The following NR1D2 variants were observed in gnomAD, a reference collection of about 807,000 sequenced individuals.
NR1D2 encodes nuclear receptor subfamily 1 group D member 2.
Under a neutral mutation model 52.2 loss-of-function variants are expected in NR1D2, and 25 were observed. The observed-to-expected ratio is 0.48, with a 90% CI of 0.35 to 0.67. NR1D2 has a LOEUF of 0.67. Ranked by LOEUF, NR1D2 falls within the 30% of genes least tolerant of loss-of-function variation. The pLI is 0.01. For missense variants in NR1D2, 681 were observed against 707.2 expected (o/e 0.96, Z 0.42); for synonymous variants, 259 against 230.1 (o/e 1.13, Z -1.14).
At chr3:23,965,195 G>C (rs757586172) in intron 6 of NR1D2, 33 bp downstream of exon 6, 11 of 1,410,204 alleles carry the variant, frequency 7.8e-6, no homozygotes, top group Non-Finnish European at 1.1e-5. Context: ...ATTGATGCAG[G>C]CAGGGCATGT....
chr3:23,970,398 G>A (rs867445887), intron 7 of NR1D2, among the ~76,000 whole-genome samples: 1 of 152,024 alleles, frequency 6.6e-6, no homozygotes, highest in Non-Finnish European at 1.5e-5. Context: ...GATTTAATCT[G>A]TTTTTGAAAA....
At chr3:23,963,919 G>GTT (rs10707974) in intron 5 of NR1D2, among the ~76,000 whole-genome samples, 41 of 140,074 alleles carry the variant, frequency 2.9e-4, no homozygotes, top group African/African-American at 1.0e-3. Flanking sequence ...TCTTTTTGGT[G>GTT]TTTTTTTTTT....
chr3:23,974,725 G>A (rs900544820), intron 7 of NR1D2, among the ~76,000 whole-genome samples: 2 of 151,920 alleles, frequency 1.3e-5, no homozygotes, highest in Non-Finnish European at 2.9e-5. Flanking sequence ...ATTTATGATT[G>A]ACCAAAGTTA....
At chr3:23,949,627 A>G (rs545940358) in intron 1 of NR1D2, among the ~76,000 whole-genome samples, 1 of 152,244 alleles carries the variant, frequency 6.6e-6, no homozygotes, top group Admixed American at 6.5e-5. Context: ...TGTTCTCTGG[A>G]GCCCTGACAC....
Position 23,965,174 on chromosome 3 carries a change from T to G in NR1D2, c.1332+12T>G. 6.4e-7 allele frequency: 1 copy of G among 1,570,524 alleles called. No individual in the cohort carries two copies. The highest frequency in any genetic ancestry group is 8.6e-7 in the Non-Finnish European group (1 of 1,156,686). On this transcript the variant is annotated intron_variant, in intron 6 of 7. Coordinates refer to ENST00000312521, the MANE Select transcript of NR1D2 (RefSeq NM_005126.5). ...CTGGGACTTTTGAGGTAGGTTTTAT[T>G]TATCCTGAATATTGATGCAGGCAGG...
At chr3:23,946,408 A>AGGCGCCT in intron 1 of NR1D2, 1 of 574,328 alleles carries the variant, frequency 1.7e-6, no homozygotes, top group Non-Finnish European at 2.2e-6. Context: ...GGCTTTCCCG[A>AGGCGCCT]AGGGATACGC....
intron 7 of NR1D2, among the ~76,000 whole-genome samples, chr3:23,969,182 A>C (rs1390081023): frequency 6.6e-6 from 1 of 152,152 alleles, no homozygotes; most frequent in East Asian, 1.9e-4. Flanking sequence ...GCTACTCAGG[A>C]GGCTGAAGCA....
intron 7 of NR1D2, among the ~76,000 whole-genome samples, chr3:23,975,166 A>C (rs1350109135): frequency 6.6e-6 from 1 of 151,250 alleles, no homozygotes. Flanking sequence ...TGTCACCCAG[A>C]CTGGAGTGCA....
intron 7 of NR1D2, among the ~76,000 whole-genome samples, chr3:23,974,418 A>G (rs926257947): frequency 6.6e-6 from 1 of 152,164 alleles, no homozygotes. Context: ...TTTCAGCAAC[A>G]TTATAATATT....
rs1269670911 is a variant in NR1D2, at chr3:23,961,962, C to G, written c.518-15C>G. On this transcript the variant is annotated splice_polypyrimidine_tract_variant and intron_variant, in intron 4 of 7. Transcript: ENST00000312521. The stretch of plus-strand genomic sequence containing the variant: ...TATTTAGAATATAGACGTTAAATAT[C>G]TTTTTCTTCAATAGCTGTTCGGTTT... 2 of 1,564,648 alleles carry G rather than the reference C, an allele frequency of 1.3e-6. No homozygotes were observed. The highest frequency in any genetic ancestry group is 1.2e-5 in the South Asian group (1 of 83,360).
chr3:23,953,870 C>A (rs1039056109), intron 1 of NR1D2, among the ~76,000 whole-genome samples: 1 of 152,114 alleles, frequency 6.6e-6, no homozygotes, highest in Non-Finnish European at 1.5e-5. Flanking sequence ...TCTTCATGGC[C>A]AGTTTGTTTG....
intron 1 of NR1D2, among the ~76,000 whole-genome samples, chr3:23,949,881 A>C (rs2125281916): frequency 6.6e-6 from 1 of 152,262 alleles, no homozygotes; most frequent in Middle Eastern, 3.4e-3. Context: ...GGGTAAGAAG[A>C]CCCCAATATA....
chr3:23,971,562 C>T (rs749096430), intron 7 of NR1D2, among the ~76,000 whole-genome samples: 14 of 152,236 alleles, frequency 9.2e-5, no homozygotes, highest in Middle Eastern at 3.4e-3. Flanking sequence ...AGCCACCGTG[C>T]CCAGCCTATA....
At chr3:23,966,805 C>T (rs1193162945) in intron 6 of NR1D2, among the ~76,000 whole-genome samples, 2 of 151,352 alleles carry the variant, frequency 1.3e-5, no homozygotes, top group African/African-American at 4.9e-5. Flanking sequence ...CGAGGCAGGC[C>T]GATCACTTGA....
At chr3:23,951,659 A>C (rs533343430) in intron 1 of NR1D2, among the ~76,000 whole-genome samples, 1 of 152,366 alleles carries the variant, frequency 6.6e-6, no homozygotes, top group East Asian at 1.9e-4. Context: ...GTATCGATGA[A>C]ATCATCAATC....
At chr3:23,972,785 C>CT (rs1274447649) in intron 7 of NR1D2, among the ~76,000 whole-genome samples, 1 of 152,148 alleles carries the variant, frequency 6.6e-6, no homozygotes, top group African/African-American at 2.4e-5. Flanking sequence ...CATGTGTACT[C>CT]TTAACATTAT....
chr3:23,967,674 A>C, intron 6 of NR1D2, 139 bp from the exon 7 acceptor site: 1 of 634,170 alleles, frequency 1.6e-6, no homozygotes, highest in Admixed American at 2.9e-5. Flanking sequence ...AGTGGTTTTG[A>C]GTAAAAGTAT....
intron 7 of NR1D2, among the ~76,000 whole-genome samples, chr3:23,974,087 CCTTTTT>C (rs1706658867): frequency 2.5e-5 from 1 of 40,172 alleles, no homozygotes; most frequent in Non-Finnish European, 5.1e-5. Context: ...TTTACAGTTA[CCTTTTT>C]TTTTTTTTTT....
chr3:23,956,212 C>G, intron 3 of NR1D2, 87 bp downstream of exon 3: 1 of 1,010,072 alleles, frequency 9.9e-7, no homozygotes, highest in South Asian at 1.3e-5. Flanking sequence ...AATTGATAGT[C>G]TGAGAGACAG....
Sources: allele counts gnomAD v4.1 joint callset (sites outside exome capture counted in the v4.1 genomes callset), GRCh38; gene constraint gnomAD v4.1.1; transcripts MANE v1.5; gene names NCBI Gene and HGNC (gene_info 2026-07-23, HGNC 2026-07-21).